RABGAP1L: variants seen among roughly 807,000 people sequenced by gnomAD.
RABGAP1L encodes rab GTPase-activating protein 1-like.
In RABGAP1L, 63 loss-of-function variants were observed where a neutral mutation model predicts 137.7. The observed-to-expected ratio is 0.46, with a 90% confidence interval of 0.37 to 0.56. The LOEUF (loss-of-function observed/expected upper bound fraction) is 0.56, where lower values mean the gene tolerates loss of function less well. Ranked by LOEUF, RABGAP1L falls within the 20% of genes least tolerant of loss-of-function variation. RABGAP1L has a pLI of 0.00. For synonymous variants in RABGAP1L, 431 were observed against 433.7 expected (o/e 0.99, Z 0.08); for missense variants, 1,095 against 1,244.0 (o/e 0.88, Z 1.80).
At chr1:174,540,602 G>A (rs994248340) in intron 13 of RABGAP1L, among the ~76,000 whole-genome samples, 1 of 152,176 alleles carries the variant, frequency 6.6e-6, no homozygotes, top group African/African-American at 2.4e-5. Flanking sequence ...TCAGATGGTT[G>A]TAGATGTGTG....
intron 13 of RABGAP1L, among the ~76,000 whole-genome samples, chr1:174,620,957 C>T (rs1354591717): frequency 6.6e-6 from 1 of 152,128 alleles, no homozygotes; most frequent in Non-Finnish European, 1.5e-5. Flanking sequence ...GGGGATATCA[C>T]CACCGATCCC....
At chr1:174,492,098 A>C (rs1660293358) in intron 13 of RABGAP1L, among the ~76,000 whole-genome samples, 1 of 151,694 alleles carries the variant, frequency 6.6e-6, no homozygotes, top group Non-Finnish European at 1.5e-5. Flanking sequence ...GTAGTTAATA[A>C]ATTTGGTATT....
chr1:174,633,010 C>A (rs1387848845), intron 13 of RABGAP1L, among the ~76,000 whole-genome samples: 1 of 152,006 alleles, frequency 6.6e-6, no homozygotes, highest in Non-Finnish European at 1.5e-5. Flanking sequence ...TGTTTTTTCC[C>A]CATCTTTGGA....
At chr1:174,506,881 G>T (rs1448563821) in intron 13 of RABGAP1L, among the ~76,000 whole-genome samples, 2 of 152,096 alleles carry the variant, frequency 1.3e-5, no homozygotes, top group African/African-American at 4.8e-5. Flanking sequence ...GGCCAATGTG[G>T]TTGGATTGCT....
intron 17 of RABGAP1L, among the ~76,000 whole-genome samples, chr1:174,734,446 A>G (rs1369012426): frequency 6.6e-6 from 1 of 152,092 alleles, no homozygotes; most frequent in Non-Finnish European, 1.5e-5. Flanking sequence ...ATAAAAAGGA[A>G]CTGAAAAGAG....
At chr1:174,759,553 C>T (rs1390789138) in intron 18 of RABGAP1L, among the ~76,000 whole-genome samples, 1 of 151,496 alleles carries the variant, frequency 6.6e-6, no homozygotes, top group Non-Finnish European at 1.5e-5. Context: ...CAAAATTGCA[C>T]CACTGCACTC....
chr1:174,623,356 G>T (rs1196496830), intron 13 of RABGAP1L, among the ~76,000 whole-genome samples: 1 of 152,118 alleles, frequency 6.6e-6, no homozygotes, highest in Non-Finnish European at 1.5e-5. Flanking sequence ...ACTGCCCTCA[G>T]TTCTGACACC....
intron 14 of RABGAP1L, among the ~76,000 whole-genome samples, chr1:174,644,879 T>G (rs2148366733): frequency 6.6e-6 from 1 of 152,274 alleles, no homozygotes. Flanking sequence ...TGAATTGCCC[T>G]ACTCCTCCTT....
chr1:174,785,077 T>G (rs1687355215), intron 18 of RABGAP1L, among the ~76,000 whole-genome samples: 1 of 152,208 alleles, frequency 6.6e-6, no homozygotes, highest in South Asian at 2.1e-4. Context: ...TTTGTTTTTA[T>G]TTTTGAGACA....
intron 7 of RABGAP1L, among the ~76,000 whole-genome samples, chr1:174,271,056 C>T (rs1674519531): frequency 6.6e-6 from 1 of 152,004 alleles, no homozygotes. Flanking sequence ...GTGTTTATTA[C>T]AAGAATTCAT....
rs1672152398 is a variant in RABGAP1L, at chr1:174,992,865, C to T, written c.*2864C>T. 1 of 152,120 alleles carries T rather than the reference C, an allele frequency of 6.6e-6. No homozygotes were observed. The highest frequency in any genetic ancestry group is 2.4e-5 in the African/African-American group (1 of 41,422). The allele number at this position is 152,120 out of a possible 1,614,324, so 9.4% of individuals were successfully genotyped here. ...TTGAATTTCACTTAGAAGAGATTAA[C>T]CAGCCAAATATCCAGGAAAGTTTCA... On this transcript the variant is annotated 3_prime_UTR_variant, in exon 26 of 26. Coordinates refer to ENST00000681986, the MANE Select transcript of RABGAP1L (RefSeq NM_001366446.1).
intron 14 of RABGAP1L, among the ~76,000 whole-genome samples, chr1:174,664,237 A>C (rs1015013332): frequency 1.3e-5 from 2 of 152,324 alleles, no homozygotes; most frequent in African/African-American, 2.4e-5. Context: ...TTTATAGAAC[A>C]TAAGTATTAA....
At chr1:174,189,937 A>G (rs537360201) in intron 1 of RABGAP1L, among the ~76,000 whole-genome samples, 116 of 152,308 alleles carry the variant, frequency 7.6e-4, no homozygotes, top group Admixed American at 1.7e-3. Context: ...CTGAGCTAGC[A>G]TATTCAGCCT....
chr1:174,436,959 G>T (rs1367095719), intron 13 of RABGAP1L, among the ~76,000 whole-genome samples: 2 of 152,240 alleles, frequency 1.3e-5, no homozygotes, highest in Non-Finnish European at 2.9e-5. Flanking sequence ...AGGCAAACAG[G>T]GTCTGGAGTG....
At chr1:174,438,744 G>GTGTGTGTGTATA (rs1161311071) in intron 13 of RABGAP1L, among the ~76,000 whole-genome samples, 9 of 95,456 alleles carry the variant, frequency 9.4e-5, no homozygotes, top group African/African-American at 4.3e-4. Flanking sequence ...GTGTGTGTGT[G>GTGTGTGTGTATA]TATATATATA....
At chr1:174,674,537 G>A (rs1005313753) in intron 14 of RABGAP1L, among the ~76,000 whole-genome samples, 12 of 151,256 alleles carry the variant, frequency 7.9e-5, no homozygotes, top group South Asian at 4.2e-4. Context: ...GAATAGTGCC[G>A]CAATAAACAT....
chr1:174,217,117 AAAG>A (rs1335027169), intron 1 of RABGAP1L, among the ~76,000 whole-genome samples: 1 of 152,150 alleles, frequency 6.6e-6, no homozygotes, highest in Non-Finnish European at 1.5e-5. Flanking sequence ...TGTGAGGAGT[AAAG>A]AAGTGGAGGT....
chr1:174,350,239 T>G (rs1204317337), intron 11 of RABGAP1L, among the ~76,000 whole-genome samples: 1 of 129,856 alleles, frequency 7.7e-6, no homozygotes, highest in Non-Finnish European at 1.7e-5. Context: ...GCGGAGACGC[T>G]CCTCACTTCC....
rs79842838 is a variant in RABGAP1L at position 174,971,545 on chromosome 1, C to T, written c.2544+2158C>T. Among the ~76,000 whole-genome samples, 20 of 152,298 alleles carry T rather than the reference C, an allele frequency of 1.3e-4. No individual in the cohort carries two copies. The East Asian group carries it at 3.9e-3, about 29-fold the overall frequency. On this transcript the variant is annotated intron_variant, in intron 21 of 25. Transcript: ENST00000681986. ...CTCTTTTAAGAAAAGTAAATATGACCTGGACCCTCCCTTTGGGAGCTTTTT... is the reference window on the plus strand; with the variant it reads ...CTCTTTTAAGAAAAGTAAATATGACTTGGACCCTCCCTTTGGGAGCTTTTT...
Sources: allele counts gnomAD v4.1 joint callset (sites outside exome capture counted in the v4.1 genomes callset), GRCh38; gene constraint gnomAD v4.1.1; transcripts MANE v1.5; gene names NCBI Gene and HGNC (gene_info 2026-07-23, HGNC 2026-07-21).